The following DNAJB12 variants were observed in gnomAD, a reference collection of about 807,000 sequenced individuals.
DNAJB12 encodes dnaJ homolog subfamily B member 12.
In DNAJB12, 14 loss-of-function variants were observed where a neutral mutation model predicts 40.6. The observed-to-expected ratio is 0.34, with a 90% CI of 0.23 to 0.54. The LOEUF is 0.54. Among genes scored for constraint, DNAJB12 ranks in the 20% least tolerant of loss-of-function variants. The probability of loss-of-function intolerance (pLI) is 0.92; values close to 1 mark genes in which losing one functional copy is unlikely to be tolerated. For missense variants in DNAJB12, 444 were observed against 501.7 expected (o/e 0.89, Z 1.10); for synonymous variants, 181 against 199.5 (o/e 0.91, Z 0.78).
rs1239790871 is a variant in DNAJB12 at position 72,340,839 on chromosome 10, T to C, written c.673A>G (p.Met225Val). The C allele has an allele frequency of 6.2e-7, 1 of 1,614,158 alleles. No individual in the cohort carries two copies. Among genetic ancestry groups the C allele is most frequent in the East Asian group, 2.2e-5 (1 of 44,884 alleles). The change falls in exon 5 of 9, where the codon ATG becomes GTG. Residue 225 changes from methionine (M) to valine (V), a missense_variant. Transcript: ENST00000444643. Reference sequence around the variant, plus strand: ...TGCCTTTGCTGGTAGGTATAGCGCATGCGGCCGTTGCTGTAGACGTGGACG... The same window carrying C: ...TGCCTTTGCTGGTAGGTATAGCGCACGCGGCCGTTGCTGTAGACGTGGACG... The part of the protein sequence containing the change: ...SNVHVYSNGR[M>V]RYTYQQRQDR...
chr10:72,335,969 A>C lies in DNAJB12; in HGVS notation c.1007-38T>G. ...GGGACAGGGTTAGTGCACACCCAGT[A>C]CCTCCCGAAGCCTGCAAGGAAGCCT... On this transcript the variant is annotated intron_variant, in intron 7 of 8. Transcript: ENST00000444643. This position sits in a 1 kb window ranked among gnomAD's most constrained non-coding sequence, Gnocchi z 4.4. 6.2e-7 allele frequency: 1 copy of C among 1,610,554 alleles called. No individual in the cohort carries two copies. Among genetic ancestry groups the C allele is most frequent in the East Asian group, 2.2e-5 (1 of 44,810 alleles).
rs772464855 is a variant in DNAJB12 at position 72,338,267 on chromosome 10, C to T, written c.768G>A (p.Leu256=). ...GCTGGCTGAGAGCTGACACGAGAAT[C>T]AGGATGAGGATAGGCATCAGCTGCA... The part of the protein sequence containing the change: ...VFVQLMPILI[L]ILVSALSQLM... Residue 256 remains leucine, a synonymous_variant, in exon 6 of 9, where the codon CTG becomes CTA. Coordinates refer to ENST00000444643, the MANE Select transcript of DNAJB12 (RefSeq NM_017626.7). 6.2e-7 allele frequency: 1 copy of T among 1,614,056 alleles called. No homozygotes were observed. Among genetic ancestry groups the T allele is most frequent in the South Asian group, 1.1e-5 (1 of 91,070 alleles).
chr10:72,353,243 G>A (rs41300550), intron 1 of DNAJB12: 10,078 of 152,292 alleles, frequency 0.066, 663 homozygotes, highest in African/African-American at 0.17. Context: ...TCCTGAGCCC[G>A]CAGCAGCATC....
rs1861535190 is a variant in DNAJB12 at position 72,338,307 on chromosome 10, C to T, written c.728G>A (p.Gly243Glu). Residue 243 changes from glycine to glutamate, a missense_variant, in exon 6 of 9, where the codon GGG becomes GAG. Transcript: ENST00000444643. ...CATCAGCTGCACAAACACCCCTAGC[C>T]CGCCCTGGAGGGAAGAGCCAATGTC... is the stretch of plus-strand genomic sequence containing the variant. ...QDRRDNQGDG[G>E]LGVFVQLMPI... is the part of the protein sequence containing the mutation. 6.8e-6 allele frequency: 11 copies of T among 1,613,910 alleles called. No homozygotes were observed. The highest frequency in any genetic ancestry group is 8.5e-6 in the Non-Finnish European group (10 of 1,179,902).
chr10:72,344,604 A>AG (rs1289039133), intron 2 of DNAJB12, among the ~76,000 whole-genome samples: 2 of 152,168 alleles, frequency 1.3e-5, no homozygotes, highest in African/African-American at 4.8e-5. Flanking sequence ...TAGAATCTGG[A>AG]GGGGGAGACA....
chr10:72,347,993 G>A (rs1029607061), intron 1 of DNAJB12, among the ~76,000 whole-genome samples: 1 of 150,680 alleles, frequency 6.6e-6, no homozygotes, highest in Non-Finnish European at 1.5e-5. Context: ...GGAGGCTGAG[G>A]CGGGCAGATC....
intron 6 of DNAJB12, chr10:72,336,931 C>T (rs996252702): frequency 7.5e-6 from 3 of 402,002 alleles, no homozygotes; most frequent in Non-Finnish European, 1.4e-5. Context: ...CTGCTTACCA[C>T]ACTGCTGACC....
Position 72,354,816 on chromosome 10 carries a change from G to A in DNAJB12, c.82C>T (p.Leu28Phe), listed in dbSNP as rs766887639. The change falls in exon 1 of 9, where the codon CTC becomes TTC. Residue 28 changes from leucine (L) to phenylalanine (F), a missense_variant. Transcript: ENST00000444643. ...CGCTGTGCCTTCTCCAGGAAGCGGA[G>A]CGCCCGGTCGGGCTGGTTGCTCTGG... Reference protein sequence around the residue: ...AIQSNQPDRALRFLEKAQRLY... With the variant: ...AIQSNQPDRAFRFLEKAQRLY... The A allele has an allele frequency of 6.2e-7, 1 of 1,613,986 alleles. No homozygotes were observed. The highest frequency in any genetic ancestry group is 1.1e-5 in the South Asian group (1 of 91,084).
At chr10:72,334,664 G>C in intron 8 of DNAJB12, 47 bp from the exon 9 acceptor site, 1 of 1,518,954 alleles carries the variant, frequency 6.6e-7, no homozygotes, top group Non-Finnish European at 8.8e-7. Flanking sequence ...AGGCGGCACC[G>C]GCTCCTCTAG....
In DNAJB12 at chr10:72,334,619, T is replaced by A; in HGVS notation, c.*31-2A>T. On this transcript the variant is annotated splice_acceptor_variant, in intron 8 of 8. Coordinates refer to ENST00000444643, the MANE Select transcript of DNAJB12 (RefSeq NM_017626.7). LOFTEE classifies it low-confidence loss of function (3UTR_SPLICE). ...AAAATTCTCCAGGGATTTCATAGTCTGGGGAGGAGAGTGGCAACAGTTAGC... is the reference window on the plus strand; with the variant it reads ...AAAATTCTCCAGGGATTTCATAGTCAGGGGAGGAGAGTGGCAACAGTTAGC... 1 of 1,531,402 alleles carries A rather than the reference T, an allele frequency of 6.5e-7. No homozygotes were observed. The highest frequency in any genetic ancestry group is 8.7e-7 in the Non-Finnish European group (1 of 1,145,538). 94.9% of individuals were successfully genotyped at this position (1,531,402 alleles called of 1,614,324 possible).
At chr10:72,350,589 T>C (rs1322952196) in intron 1 of DNAJB12, among the ~76,000 whole-genome samples, 2 of 152,082 alleles carry the variant, frequency 1.3e-5, no homozygotes, top group African/African-American at 2.4e-5. Flanking sequence ...CCAGCAAATA[T>C]ACAGTGTTGT....
At chr10:72,346,473 C>A (rs1490933051) in intron 1 of DNAJB12, among the ~76,000 whole-genome samples, 2 of 152,090 alleles carry the variant, frequency 1.3e-5, no homozygotes, top group African/African-American at 2.4e-5. Context: ...TTACAGGCGC[C>A]CAGCACCATG....
At position 72,354,751 on chromosome 10, in the gene DNAJB12, C is replaced by T; in HGVS notation, c.133+14G>A. ...GTTCTAATGTCCCCAGTCTCTCCGG[C>T]ACCTCACACTCACCGCGAACTCGCG... On this transcript the variant is annotated intron_variant, in intron 1 of 8. Coordinates refer to ENST00000444643, the MANE Select transcript of DNAJB12 (RefSeq NM_017626.7). 6.2e-7 allele frequency: 1 copy of T among 1,604,950 alleles called. No individual in the cohort carries two copies. The highest frequency in any genetic ancestry group is 1.1e-5 in the South Asian group (1 of 90,668).
rs1195388809 is a variant in DNAJB12 at position 72,333,205 on chromosome 10, C to G, written c.*1443G>C. ...AACTCTGGGAGGGTGGTTATCACCT[C>G]CTGGCTGGCAGCTTGGGGAAGTAAG... On this transcript the variant is annotated 3_prime_UTR_variant, in exon 9 of 9. Transcript: ENST00000444643. 2 of 152,202 alleles carry G rather than the reference C, an allele frequency of 1.3e-5. No individual in the cohort carries two copies. Among genetic ancestry groups the G allele is most frequent in the Non-Finnish European group, 2.9e-5 (2 of 68,044 alleles). 9.4% of individuals were successfully genotyped at this position (152,202 alleles called of 1,614,324 possible).
At chr10:72,353,097 T>A (rs1478226157) in intron 1 of DNAJB12, among the ~76,000 whole-genome samples, 2 of 152,240 alleles carry the variant, frequency 1.3e-5, no homozygotes, top group Non-Finnish European at 2.9e-5. Context: ...TGCATGCAGG[T>A]GGTTCTTCTG....
In DNAJB12 at chr10:72,335,666, A is replaced by G; in HGVS notation, c.*30+114T>C. ...GGAGGCTGGAGGTCAGGCTGGGGAC[A>G]GGAGTCTTTGCCACAATCACCAGGC... On this transcript the variant is annotated intron_variant, in intron 8 of 8. Transcript: ENST00000444643. The surrounding 1 kb of genome is among the most constrained non-coding windows in gnomAD (Gnocchi z 4.4). 6.9e-7 allele frequency: 1 copy of G among 1,459,692 alleles called. No homozygotes were observed. Among genetic ancestry groups the G allele is most frequent in the Non-Finnish European group, 9.0e-7 (1 of 1,106,550 alleles). 90.4% of individuals were successfully genotyped at this position (1,459,692 alleles called of 1,614,324 possible).
intron 1 of DNAJB12, among the ~76,000 whole-genome samples, chr10:72,347,410 C>T (rs757116013): frequency 2.6e-5 from 4 of 152,190 alleles, no homozygotes; most frequent in African/African-American, 7.2e-5. Context: ...TTCCTGGAGG[C>T]CTTTGCTTAG....
At chr10:72,338,430 TC>T (rs1255075585) in intron 5 of DNAJB12, 119 bp from the exon 6 acceptor site, 36 of 766,170 alleles carry the variant, frequency 4.7e-5, no homozygotes, top group Non-Finnish European at 2.2e-6. Context: ...ACTCTGCCGT[TC>T]CCTCCACGAG....
At chr10:72,336,420 G>A in intron 7 of DNAJB12, 104 bp downstream of exon 7, 1 of 1,263,080 alleles carries the variant, frequency 7.9e-7, no homozygotes, top group Non-Finnish European at 1.1e-6. Flanking sequence ...CCAGGGGCTG[G>A]GCCCTCAGAG....
Sources: gnomAD v4.1 joint callset for allele counts (sites outside exome capture counted in the v4.1 genomes callset) on GRCh38, gnomAD v4.1.1 for gene constraint, Gnocchi (gnomAD v3.1) non-coding constraint, MANE v1.5 for transcripts, NCBI Gene and HGNC (gene_info 2026-07-23, HGNC 2026-07-21) for gene names.